Variants in GRIP1 observed in about 807,000 individuals in gnomAD.
GRIP1 encodes glutamate receptor interacting protein 1.
In GRIP1, 45 loss-of-function variants were observed where a neutral mutation model predicts 129.9. That is an observed-to-expected ratio of 0.35 (90% CI 0.27 to 0.44). The LOEUF is 0.44. Among genes scored for constraint, GRIP1 ranks in the 20% least tolerant of loss-of-function variants. GRIP1 has a pLI of 1.00. For missense variants in GRIP1, 1,196 were observed against 1,396.8 expected, an observed-to-expected ratio of 0.86 and a Z score of 2.29; for synonymous variants, 530 against 520.8, an observed-to-expected ratio of 1.02 and a Z score of -0.24.
At chr12:66,472,139 T>C (rs2059455862) in intron 7 of GRIP1, among the ~76,000 whole-genome samples, 1 of 152,248 alleles carries the variant, frequency 6.6e-6, no homozygotes, top group Admixed American at 6.5e-5. Context: ...CCTAATTATA[T>C]TCTTGCTAGG....
chr12:66,879,152 G>C (rs528197455), intron 1 of GRIP1, among the ~76,000 whole-genome samples: 78 of 151,808 alleles, frequency 5.1e-4, no homozygotes, highest in Non-Finnish European at 7.1e-4. Context: ...ATATAGGAAA[G>C]TGTCCTCAGG....
At chr12:66,679,160 T>C (rs1340099168), upstream of GRIP1, 1 of 1,396,662 alleles carries the variant, frequency 7.2e-7, no homozygotes, top group Non-Finnish European at 9.3e-7. Flanking sequence ...GCTTAGAAAG[T>C]AATGCCGTTT....
intron 13 of GRIP1, among the ~76,000 whole-genome samples, chr12:66,443,836 A>C (rs1342981921): frequency 6.6e-6 from 1 of 152,140 alleles, no homozygotes; most frequent in African/African-American, 2.4e-5. Context: ...ATCTGCTGTC[A>C]TTTCTCTTTA....
intron 1 of GRIP1, among the ~76,000 whole-genome samples, chr12:66,836,424 T>C (rs2039615429): frequency 6.6e-6 from 1 of 152,184 alleles, no homozygotes; most frequent in Non-Finnish European, 1.5e-5. Flanking sequence ...AATGACATAG[T>C]GGCAATTTAC....
At chr12:67,019,405 T>A (rs1366653788) in intron 1 of GRIP1, among the ~76,000 whole-genome samples, 1 of 152,178 alleles carries the variant, frequency 6.6e-6, no homozygotes, top group East Asian at 1.9e-4. Flanking sequence ...CGGCTGGCCC[T>A]GACTGCACAG....
In GRIP1 at chr12:66,786,439, G is replaced by C. The variant is rs574079126; in HGVS notation, c.-420+17614C>G. ...GCAGCAGGGCTGGGGACAGCTTCAG[G>C]AGGCAACTTCACCTTCATGGCCATT... On this transcript the variant is annotated intron_variant, in intron 1 of 4. Coordinates refer to the GRIP1 transcript ENST00000538373. Among the ~76,000 whole-genome samples the C allele has an allele frequency of 2.0e-5, 3 of 152,272 alleles. No individual in the cohort carries two copies. The East Asian group carries it at 5.8e-4, about 29-fold the overall frequency.
intron 1 of GRIP1, among the ~76,000 whole-genome samples, chr12:67,035,094 G>A (rs747816653): frequency 1.4e-4 from 21 of 152,114 alleles, no homozygotes; most frequent in Non-Finnish European, 3.1e-4. Flanking sequence ...GAAAGTTTAG[G>A]TATTAAGTTT....
intron 1 of GRIP1, among the ~76,000 whole-genome samples, chr12:67,019,521 A>G (rs929489459): frequency 1.3e-5 from 2 of 152,204 alleles, no homozygotes; most frequent in Non-Finnish European, 2.9e-5. Context: ...AAGAGTAGTA[A>G]AAAAGGTAAA....
At chr12:66,955,023 C>T (rs116091276) in intron 1 of GRIP1, among the ~76,000 whole-genome samples, 1,818 of 152,174 alleles carry the variant, frequency 0.012, 42 homozygotes, top group African/African-American at 0.042. Flanking sequence ...GCCATGAAGA[C>T]ATTTAAGGGG....
At position 66,585,100 on chromosome 12, in the gene GRIP1, TC is replaced by T. The variant is rs1565886803; in HGVS notation, c.136+11746del. 9.7e-3 allele frequency among the ~76,000 whole-genome samples: 1,428 copies of T among 147,854 alleles called. 24 individuals carry two copies. The highest frequency in any genetic ancestry group is 0.035 in the African/African-American group (1,349 of 38,598). On this transcript the variant is annotated intron_variant, in intron 2 of 24. Transcript: ENST00000359742. The stretch of plus-strand genomic sequence containing the variant: ...GATATTCAGATATACTTCTTTTTTT[TC>T]CTTCTTTTTTTTTATTATACTTTAA...
At chr12:66,787,311 T>C (rs1036604768) in intron 1 of GRIP1, among the ~76,000 whole-genome samples, 22 of 152,344 alleles carry the variant, frequency 1.4e-4, no homozygotes, top group African/African-American at 5.0e-4. Flanking sequence ...ATTGCAAAAC[T>C]GTGGCTTAGC....
At chr12:66,919,547 T>C (rs1221768476) in intron 1 of GRIP1, among the ~76,000 whole-genome samples, 1 of 152,214 alleles carries the variant, frequency 6.6e-6, no homozygotes, top group Admixed American at 6.5e-5. Context: ...CATCATTACA[T>C]CATTCTCCCT....
intron 24 of GRIP1, among the ~76,000 whole-genome samples, chr12:66,352,267 G>A (rs1227814855): frequency 2.0e-5 from 3 of 152,270 alleles, no homozygotes; most frequent in South Asian, 4.1e-4. Context: ...CCTTTTAGAC[G>A]GAGTGGTTTA....
At chr12:66,830,729 A>C (rs1357542620) in intron 1 of GRIP1, among the ~76,000 whole-genome samples, 2 of 152,166 alleles carry the variant, frequency 1.3e-5, no homozygotes, top group African/African-American at 4.8e-5. Flanking sequence ...ACAGAAGCAC[A>C]GGGAAGTTAA....
intron 1 of GRIP1, among the ~76,000 whole-genome samples, chr12:66,883,371 T>C (rs556535066): frequency 6.6e-6 from 1 of 152,124 alleles, no homozygotes; most frequent in South Asian, 2.1e-4. Context: ...ACAGTACCCA[T>C]CAAAATACCC....
At chr12:66,524,877 T>C (rs2061165726) in intron 5 of GRIP1, among the ~76,000 whole-genome samples, 1 of 152,212 alleles carries the variant, frequency 6.6e-6, no homozygotes, top group Admixed American at 6.5e-5. Context: ...AAATACAAAC[T>C]ACCATCAGAG....
At chr12:66,405,970 A>T (rs2057175596) in intron 16 of GRIP1, among the ~76,000 whole-genome samples, 1 of 152,222 alleles carries the variant, frequency 6.6e-6, no homozygotes, top group Non-Finnish European at 1.5e-5. Context: ...ATGCCATATG[A>T]ATACCAATAA....
intron 1 of GRIP1, among the ~76,000 whole-genome samples, chr12:66,749,670 A>C (rs1196031328): frequency 6.6e-6 from 1 of 152,122 alleles, no homozygotes; most frequent in African/African-American, 2.4e-5. Flanking sequence ...CCTCCCCTGC[A>C]GCAACTGGAT....
chr12:66,894,446 C>T (rs974372029), intron 1 of GRIP1, among the ~76,000 whole-genome samples: 1 of 152,182 alleles, frequency 6.6e-6, no homozygotes, highest in East Asian at 1.9e-4. Flanking sequence ...GAGTTCCAGA[C>T]AATTCATAAC....
Sources: allele counts gnomAD v4.1 joint callset (sites outside exome capture counted in the v4.1 genomes callset), GRCh38; gene constraint gnomAD v4.1.1; transcripts MANE v1.5; gene names NCBI Gene and HGNC (gene_info 2026-07-23, HGNC 2026-07-21).